C10orf90: variants seen among roughly 807,000 people sequenced by gnomAD.
The protein encoded by C10orf90 is chromosome 10 open reading frame 90, also known as (E2-independent) E3 ubiquitin-conjugating enzyme FATS.
A neutral mutation model predicts 62.5 loss-of-function variants in C10orf90; 56 were observed. The ratio of observed to expected loss-of-function variants is 0.90; its 90% CI spans 0.72 to 1.12. C10orf90 has a LOEUF of 1.12. Ranked by LOEUF, C10orf90 falls within the 50% of genes most tolerant of loss-of-function variation. C10orf90 has a pLI of 0.00. For synonymous variants in C10orf90, 386 were observed against 340.4 expected, an observed-to-expected ratio of 1.13 and a Z score of -1.47; for missense variants, 970 against 880.4, an observed-to-expected ratio of 1.10 and a Z score of -1.29.
In C10orf90 at chr10:126,456,597, A is replaced by C. The variant is rs1305773687; in HGVS notation, c.2188+2443T>G. On this transcript the variant is annotated intron_variant, in intron 7 of 9. Transcript: ENST00000488181. This position sits in a 1 kb window ranked among gnomAD's most constrained non-coding sequence, Gnocchi z 4.9. ...GTCGCCCCAACAAAAAGATATGTTT[A>C]AGTCCTAATCCCCCATAACTCTGAA... Among the ~76,000 whole-genome samples the C allele has an allele frequency of 6.6e-6, 1 of 152,240 alleles. No individual in the cohort carries two copies. The highest frequency in any genetic ancestry group is 1.5e-5 in the Non-Finnish European group (1 of 68,032).
intron 2 of C10orf90, among the ~76,000 whole-genome samples, chr10:126,565,187 AT>A (rs1376867907): frequency 4.3e-5 from 3 of 70,010 alleles, no homozygotes; most frequent in African/African-American, 1.1e-4. Context: ...ATGTAATATA[AT>A]ATTTATATTA....
intron 2 of C10orf90, among the ~76,000 whole-genome samples, chr10:126,514,291 A>C (rs1564848786): frequency 6.6e-6 from 1 of 152,304 alleles, no homozygotes; most frequent in East Asian, 1.9e-4. Flanking sequence ...ATGTCCCAAC[A>C]TCACTAGAGC....
intron 2 of C10orf90, among the ~76,000 whole-genome samples, chr10:126,519,069 G>A (rs1184403932): frequency 2.6e-5 from 4 of 152,152 alleles, no homozygotes; most frequent in Non-Finnish European, 4.4e-5. Context: ...GATAAGCCAC[G>A]GACAGAGCCC....
intron 2 of C10orf90, among the ~76,000 whole-genome samples, chr10:126,577,418 A>T (rs1007467018): frequency 6.6e-6 from 1 of 152,054 alleles, no homozygotes; most frequent in South Asian, 2.1e-4. Context: ...AACAAAAAAA[A>T]AATCTTATTT....
intron 2 of C10orf90, among the ~76,000 whole-genome samples, chr10:126,567,345 A>G (rs1228747639): frequency 6.6e-6 from 1 of 152,110 alleles, no homozygotes; most frequent in Non-Finnish European, 1.5e-5. Flanking sequence ...CACACTTTCA[A>G]ACAACCAGAT....
At chr10:126,487,349 C>T (rs1861497097) in intron 4 of C10orf90, among the ~76,000 whole-genome samples, 1 of 151,918 alleles carries the variant, frequency 6.6e-6, no homozygotes, top group African/African-American at 2.4e-5. Flanking sequence ...AAGAAATCCA[C>T]TTTAAATACA....
chr10:126,524,327 A>G (rs1318226518), intron 2 of C10orf90, among the ~76,000 whole-genome samples: 1 of 152,200 alleles, frequency 6.6e-6, no homozygotes, highest in Non-Finnish European at 1.5e-5. Flanking sequence ...GCAGTTAGAC[A>G]CAGGTAGTCT....
At chr10:126,638,777 C>T (rs1322069496) in intron 2 of C10orf90, among the ~76,000 whole-genome samples, 1 of 152,224 alleles carries the variant, frequency 6.6e-6, no homozygotes, top group Non-Finnish European at 1.5e-5. Context: ...CAAAGCCTGC[C>T]TCCCACAGAC....
At chr10:126,551,708 T>C (rs7916733) in intron 2 of C10orf90, among the ~76,000 whole-genome samples, 117,307 of 152,136 alleles carry the variant, frequency 0.77, 45,402 homozygotes, top group African/African-American at 0.83. Context: ...TTATATATTG[T>C]CTCAAAGAAA....
At chr10:126,539,286 G>C (rs1271492133) in intron 2 of C10orf90, among the ~76,000 whole-genome samples, 1 of 152,242 alleles carries the variant, frequency 6.6e-6, no homozygotes, top group Non-Finnish European at 1.5e-5. Flanking sequence ...TTCCACAGCA[G>C]AGAGAGGCTA....
chr10:126,496,107 ATCAGCCCATTACCTGG>A (rs1862041633), intron 4 of C10orf90, among the ~76,000 whole-genome samples: 1 of 152,214 alleles, frequency 6.6e-6, no homozygotes, highest in Non-Finnish European at 1.5e-5. Context: ...AATTTAAAAG[ATCAGCCCATTACCTGG>A]TCAGCCTGCT....
intron 2 of C10orf90, among the ~76,000 whole-genome samples, chr10:126,562,598 C>T (rs1475251443): frequency 6.6e-6 from 1 of 152,208 alleles, no homozygotes; most frequent in Non-Finnish European, 1.5e-5. Context: ...AATCTGCAGA[C>T]GCTCAATGAG....
At chr10:126,515,814 T>C (rs995958994) in intron 2 of C10orf90, among the ~76,000 whole-genome samples, 1 of 152,244 alleles carries the variant, frequency 6.6e-6, no homozygotes, top group African/African-American at 2.4e-5. Flanking sequence ...TGGCTATGTC[T>C]CATCTTGTCC....
At chr10:126,476,473 T>G (rs1860875146) in intron 4 of C10orf90, among the ~76,000 whole-genome samples, 1 of 152,206 alleles carries the variant, frequency 6.6e-6, no homozygotes, top group Non-Finnish European at 1.5e-5. Context: ...GGAGCCCGCG[T>G]CAGTGCAGGC....
chr10:126,613,654 C>A (rs1044732992), intron 2 of C10orf90, among the ~76,000 whole-genome samples: 1 of 152,150 alleles, frequency 6.6e-6, no homozygotes, highest in Non-Finnish European at 1.5e-5. Context: ...AGCCTTTATC[C>A]CTCTTCAATC....
At chr10:126,473,908 A>G (rs75253025) in intron 4 of C10orf90, among the ~76,000 whole-genome samples, 4,222 of 152,096 alleles carry the variant, frequency 0.028, 196 homozygotes, top group African/African-American at 0.095. Flanking sequence ...TGCTGATGCT[A>G]CTGCTCCAGG....
chr10:126,534,335 C>T (rs1196405128), intron 2 of C10orf90, among the ~76,000 whole-genome samples: 1 of 152,184 alleles, frequency 6.6e-6, no homozygotes, highest in Non-Finnish European at 1.5e-5. Flanking sequence ...GGCTTTGCCA[C>T]TTAAGAATTT....
intron 2 of C10orf90, among the ~76,000 whole-genome samples, chr10:126,558,428 G>A (rs901669983): frequency 2.0e-5 from 3 of 152,116 alleles, no homozygotes; most frequent in Non-Finnish European, 2.9e-5. Context: ...CATCTCCTAA[G>A]ACCACAGCCA....
chr10:126,588,620 A>G (rs1844920629), intron 2 of C10orf90, among the ~76,000 whole-genome samples: 1 of 152,226 alleles, frequency 6.6e-6, no homozygotes. Context: ...TATTAAAAGA[A>G]AAGAAAACAA....
Sources: allele counts gnomAD v4.1 joint callset (sites outside exome capture counted in the v4.1 genomes callset), GRCh38; gene constraint gnomAD v4.1.1; non-coding constraint Gnocchi (gnomAD v3.1); transcripts MANE v1.5; gene names NCBI Gene and HGNC (gene_info 2026-07-23, HGNC 2026-07-21).